SULT1A1: variants seen among roughly 807,000 people sequenced by gnomAD.
SULT1A1 encodes sulfotransferase family 1A member 1, also known as sulfotransferase 1A1.
A neutral mutation model predicts 36.8 loss-of-function variants in SULT1A1; 35 were observed. That is an observed-to-expected ratio of 0.95 (90% CI 0.73 to 1.26). The LOEUF is 1.26. Among genes scored for constraint, SULT1A1 ranks in the 50% most tolerant of loss-of-function variants. SULT1A1 has a pLI of 0.00. For missense variants in SULT1A1, 309 were observed against 383.0 expected, an observed-to-expected ratio of 0.81 and a Z score of 1.61; for synonymous variants, 119 against 146.0, an observed-to-expected ratio of 0.82 and a Z score of 1.33.
In SULT1A1 at chr16:28,622,489, T is replaced by C. The variant is rs951374925; in HGVS notation, c.67+642A>G. Among the ~76,000 whole-genome samples the C allele has an allele frequency of 6.6e-5, 10 of 152,242 alleles. No homozygotes were observed. The East Asian group carries it at 1.2e-3, about 18-fold the overall frequency. ...CTCTATGGCAAGGATCCAAGGTCCCTTGATGTTTTCCGTGAGACCCCAGGG... is the reference window on the plus strand; with the variant it reads ...CTCTATGGCAAGGATCCAAGGTCCCCTGATGTTTTCCGTGAGACCCCAGGG... On this transcript the variant is annotated intron_variant, in intron 1 of 5. Coordinates refer to the SULT1A1 transcript ENST00000350842.
In SULT1A1 at chr16:28,608,388, C is replaced by G; in HGVS notation, c.275G>C (p.Gly92Ala). ...CGGTGTGTCTTTCAGAGTCTCCATC[C>G]CTGAGCAGTGGGTCAGGGAAGGTCT... The part of the protein sequence containing the change: ...LEFKAPGIPS[G>A]METLKDTPAP... The change falls in exon 4 of 8, where the codon GGG becomes GCG. Residue 92 changes from glycine (G) to alanine (A), a missense_variant and splice_region_variant. Around this residue, in one of 3 missense-constraint regions of SULT1A1, gnomAD observed 219 missense variants for 215.3 expected, o/e 1.02. Transcript: ENST00000314752. 1 of 1,612,434 alleles carries G rather than the reference C, an allele frequency of 6.2e-7. No homozygotes were observed. Among genetic ancestry groups the G allele is most frequent in the Non-Finnish European group, 8.5e-7 (1 of 1,178,716 alleles).
chr16:28,614,283 T>A (rs1404109772), upstream of SULT1A1: 1 of 122,710 alleles, frequency 8.1e-6, no homozygotes, highest in Admixed American at 8.7e-5. Flanking sequence ...ACCGCCAAGA[T>A]TCCCAGGGCA....
At chr16:28,617,034 G>A (rs1487331930) in intron 2 of SULT1A1, among the ~76,000 whole-genome samples, 1 of 150,288 alleles carries the variant, frequency 6.7e-6, no homozygotes, top group African/African-American at 2.4e-5. Flanking sequence ...TTTTTATTTT[G>A]AGACAGGGTC....
chr16:28,608,519 C>T lies in SULT1A1; in HGVS notation c.233G>A (p.Arg78Gln), dbSNP rs368927464. ...EKCHRAPIFM[R>Q]VPFLEFKAPG... The stretch of plus-strand genomic sequence containing the variant: ...GGCTTTGAACTCAAGGAAGGGCACC[C>T]GCATGAAGATGGGAGCTCGGTGACA... Residue 78 changes from arginine (R) to glutamine (Q), a missense_variant, in exon 3 of 8, where the codon CGG (arginine) becomes CAG (glutamine). Arg to Gln is a conservative substitution (Grantham distance 43). Transcript: ENST00000314752. 4.0e-5 allele frequency: 64 copies of T among 1,612,312 alleles called. 1 individual carries two copies. The Middle Eastern group carries it at 4.9e-4, about 12-fold the overall frequency.
chr16:28,608,318 G>A lies in SULT1A1; in HGVS notation c.345C>T (p.Pro115=), dbSNP rs1248062057. 1.2e-6 allele frequency: 2 copies of A among 1,612,364 alleles called. No individual in the cohort carries two copies. Among genetic ancestry groups the A allele is most frequent in the South Asian group, 1.1e-5 (1 of 91,016 alleles). ...TGACCTTCTGATCCAACAGAGTCTG[G>A]GGGAGCAGAGCCAGGGGCAGGTGTG... is the stretch of plus-strand genomic sequence containing the variant. The part of the protein sequence containing the change: ...LKTHLPLALL[P]QTLLDQKVKV... The change falls in exon 4 of 8, where the codon CCC becomes CCT. Residue 115 remains proline (P), a synonymous_variant. Coordinates refer to ENST00000314752, the MANE Select transcript of SULT1A1 (RefSeq NM_001055.4).
intron 2 of SULT1A1, among the ~76,000 whole-genome samples, chr16:28,618,311 T>C (rs2047584566): frequency 6.7e-6 from 1 of 149,656 alleles, no homozygotes; most frequent in Non-Finnish European, 1.5e-5. Flanking sequence ...ATGCTGGGAT[T>C]ACAAGTGTGA....
chr16:28,606,515 G>A (rs1436521295), intron 6 of SULT1A1, among the ~76,000 whole-genome samples: 1 of 151,950 alleles, frequency 6.6e-6, no homozygotes, highest in Non-Finnish European at 1.5e-5. Flanking sequence ...GCAGGGAGTA[G>A]CAATAGGACT....
chr16:28,615,944 G>C (rs190994681), intron 2 of SULT1A1, among the ~76,000 whole-genome samples: 1 of 152,328 alleles, frequency 6.6e-6, no homozygotes, highest in East Asian at 1.9e-4. Context: ...AGAAGGCAGA[G>C]TCAGGTGTAC....
At chr16:28,610,264 G>GTTTTTTTTTTT (rs538720119), upstream of SULT1A1, 27 of 349,476 alleles carry the variant, frequency 7.7e-5, 1 homozygote, top group South Asian at 1.1e-4. Context: ...TTTTTTTTCT[G>GTTTTTTTTTTT]TTTTTTTTTT....
At chr16:28,619,563 A>G (rs987726971) in intron 2 of SULT1A1, among the ~76,000 whole-genome samples, 3 of 152,040 alleles carry the variant, frequency 2.0e-5, no homozygotes, top group Non-Finnish European at 4.4e-5. Flanking sequence ...CAAAAAATTT[A>G]AAAATAATTA....
At chr16:28,606,888 G>T in intron 5 of SULT1A1, 33 bp from the exon 6 acceptor site, 1 of 1,612,392 alleles carries the variant, frequency 6.2e-7, no homozygotes, top group South Asian at 1.1e-5. Context: ...CCAACACAGG[G>T]TTGCTGTGCG....
At chr16:28,611,441 C>G (rs548717805), upstream of SULT1A1, 2 of 152,162 alleles carry the variant, frequency 1.3e-5, no homozygotes, top group Admixed American at 6.6e-5. Flanking sequence ...AACCGTACAC[C>G]CACCAGTGCC....
At chr16:28,607,224 G>T (rs2925624) in intron 4 of SULT1A1, 147 bp from the exon 5 acceptor site, 448,600 of 1,394,514 alleles carry the variant, frequency 0.32, 78,699 homozygotes, top group Admixed American at 0.35. Flanking sequence ...CAAGTCAGGA[G>T]CTGAACCCTG....
intron 1 of SULT1A1, chr16:28,623,104 C>G: frequency 1.4e-6 from 2 of 1,480,794 alleles, no homozygotes; most frequent in Non-Finnish European, 1.8e-6. Flanking sequence ...TGGTCCCACC[C>G]CCCAGGTTCC....
chr16:28,623,332 G>T, exon 1 of SULT1A1: 1 of 1,512,938 alleles, frequency 6.6e-7, no homozygotes, highest in Non-Finnish European at 8.8e-7. Flanking sequence ...CCCTGCAGCC[G>T]TTGCTGCAGC....
At chr16:28,618,339 CT>C (rs546277570) in intron 2 of SULT1A1, among the ~76,000 whole-genome samples, 86 of 72,408 alleles carry the variant, frequency 1.2e-3, no homozygotes, top group African/African-American at 3.3e-3. Context: ...ACTTCCCGCT[CT>C]TTTTTTTTTT....
chr16:28,611,654 T>A (rs1281521488), upstream of SULT1A1: 1 of 147,138 alleles, frequency 6.8e-6, no homozygotes, highest in Non-Finnish European at 1.5e-5. Flanking sequence ...CCCTTTACTC[T>A]GCAGGAAATC....
chr16:28,609,154 G>A, intron 1 of SULT1A1: 1 of 1,382,534 alleles, frequency 7.2e-7, no homozygotes, highest in Non-Finnish European at 9.4e-7. Flanking sequence ...CAGATGTCAG[G>A]GTGTGTGAAG....
intron 1 of SULT1A1, among the ~76,000 whole-genome samples, chr16:28,621,059 G>A (rs1423707856): frequency 6.6e-6 from 1 of 151,912 alleles, no homozygotes; most frequent in African/African-American, 2.4e-5. Flanking sequence ...GCAGTGAGCT[G>A]AGATCGGGCC....
Sources: allele counts gnomAD v4.1 joint callset (sites outside exome capture counted in the v4.1 genomes callset), GRCh38; gene constraint gnomAD v4.1.1; regional missense constraint gnomAD v4.1.1; transcripts MANE v1.5; gene names NCBI Gene and HGNC (gene_info 2026-07-23, HGNC 2026-07-21).